Variants in PRMT8 observed in about 807,000 individuals in gnomAD.
PRMT8 encodes the protein protein arginine methyltransferase 8.
Under a neutral mutation model 47.1 loss-of-function variants are expected in PRMT8, and 7 were observed. The ratio of observed to expected loss-of-function variants is 0.15; its 90% CI spans 0.08 to 0.28. The LOEUF is 0.28. PRMT8 is among the 10% of genes least tolerant of loss of function. The probability of loss-of-function intolerance (pLI) is 1.00; values close to 1 mark genes in which losing one functional copy is unlikely to be tolerated. For synonymous variants in PRMT8, 188 were observed against 186.5 expected (o/e 1.01, Z -0.07); for missense variants, 237 against 505.4 (o/e 0.47, Z 5.09).
intron 1 of PRMT8, among the ~76,000 whole-genome samples, chr12:3,404,555 C>T (rs929599685): frequency 3.3e-5 from 5 of 152,236 alleles, no homozygotes; most frequent in Admixed American, 1.3e-4. Context: ...ATCCTTTTCC[C>T]GTACAAAAGT....
At chr12:3,512,017 G>A (rs1398575953) in intron 1 of PRMT8, among the ~76,000 whole-genome samples, 3 of 152,132 alleles carry the variant, frequency 2.0e-5, no homozygotes, top group Admixed American at 6.5e-5. Context: ...TTGGGAGTGT[G>A]GGGGGCAGTG....
chr12:3,540,771 G>A lies in PRMT8; in HGVS notation c.241G>A (p.Ala81Thr). 6.2e-7 allele frequency: 1 copy of A among 1,614,026 alleles called. No individual in the cohort carries two copies. The highest frequency in any genetic ancestry group is 8.5e-7 in the Non-Finnish European group (1 of 1,179,916). ...TSRDYYFDSY[A>T]HFGIHEEMLK... ...GAGAGATTATTACTTCGACTCCTAT[G>A]CCCACTTTGGGATCCACGAGGTAAA... Residue 81 changes from alanine (A) to threonine (T), a missense_variant, in exon 2 of 10, where the codon GCC (alanine) becomes ACC (threonine). By Grantham distance (58) the Ala-to-Thr change is moderately conservative. Transcript: ENST00000382622.
At chr12:3,452,918 G>C (rs1282282879) in intron 1 of PRMT8, among the ~76,000 whole-genome samples, 1 of 152,180 alleles carries the variant, frequency 6.6e-6, no homozygotes, top group Non-Finnish European at 1.5e-5. Context: ...GGACAATTCG[G>C]CAAGTCCCAT....
At chr12:3,472,188 G>A (rs867699236) in intron 1 of PRMT8, among the ~76,000 whole-genome samples, 1 of 152,226 alleles carries the variant, frequency 6.6e-6, no homozygotes, top group Non-Finnish European at 1.5e-5. Flanking sequence ...GGTGTGTGGT[G>A]TTCCTTCTGG....
chr12:3,491,063 C>T, upstream of PRMT8: 1 of 701,082 alleles, frequency 1.4e-6, no homozygotes, highest in Middle Eastern at 7.3e-4. Context: ...CCGAGACCCT[C>T]GGAGACTAGG....
At chr12:3,420,035 C>CAGAGAG (rs145716727) in intron 1 of PRMT8, among the ~76,000 whole-genome samples, 26 of 131,886 alleles carry the variant, frequency 2.0e-4, no homozygotes, top group Admixed American at 1.9e-3. Flanking sequence ...GAGAGACAGA[C>CAGAGAG]AGAGAGAGAG....
At chr12:3,459,716 G>A (rs1323127023) in intron 1 of PRMT8, among the ~76,000 whole-genome samples, 2 of 152,160 alleles carry the variant, frequency 1.3e-5, no homozygotes, top group Non-Finnish European at 2.9e-5. Flanking sequence ...GAAGGGCAGG[G>A]GGTTGGTTGG....
At chr12:3,469,970 C>T (rs1215639324) in intron 1 of PRMT8, among the ~76,000 whole-genome samples, 1 of 152,176 alleles carries the variant, frequency 6.6e-6, no homozygotes, top group African/African-American at 2.4e-5. Flanking sequence ...AGGACTGAGA[C>T]GTGGTCCCTG....
In PRMT8 at chr12:3,570,016, C is replaced by T. The variant is rs546978735; in HGVS notation, c.712+452C>T. ...AACTTATCAAAATAATATTGATTCT[C>T]TTATGCAAATACATATTATTTGAGG... On this transcript the variant is annotated intron_variant, in intron 6 of 9. Transcript: ENST00000382622. The surrounding 1 kb of genome is among the most constrained non-coding windows in gnomAD (Gnocchi z 5.5). Among the ~76,000 whole-genome samples the T allele has an allele frequency of 4.6e-5, 7 of 152,234 alleles. No individual in the cohort carries two copies. The highest frequency in any genetic ancestry group is 1.7e-4 in the African/African-American group (7 of 41,542).
chr12:3,511,160 C>G (rs1366353117), intron 1 of PRMT8, among the ~76,000 whole-genome samples: 1 of 152,194 alleles, frequency 6.6e-6, no homozygotes. Flanking sequence ...TAACCTTGCT[C>G]TCTCAGGGGC....
chr12:3,579,863 A>G (rs1404255193), intron 7 of PRMT8, among the ~76,000 whole-genome samples: 1 of 152,170 alleles, frequency 6.6e-6, no homozygotes, highest in East Asian at 1.9e-4. Flanking sequence ...TGAGTAATTT[A>G]TGCTGGTGAA....
At position 3,592,358 on chromosome 12, in the gene PRMT8, T is replaced by C. The variant is rs934827782; in HGVS notation, c.1101+6T>C. 2 of 1,602,464 alleles carry C rather than the reference T, an allele frequency of 1.2e-6. No individual in the cohort carries two copies. Among genetic ancestry groups the C allele is most frequent in the Non-Finnish European group, 1.7e-6 (2 of 1,175,126 alleles). On this transcript the variant is annotated splice_donor_region_variant and intron_variant, in intron 9 of 9. Coordinates refer to ENST00000382622, the MANE Select transcript of PRMT8 (RefSeq NM_019854.5). ...AGCCAAATGCCAAAAATGTGGTAAGTGCCGAGGGACATAAGGACATAAGGG... is the reference window on the plus strand; with the variant it reads ...AGCCAAATGCCAAAAATGTGGTAAGCGCCGAGGGACATAAGGACATAAGGG...
chr12:3,516,443 C>A (rs1004437688), intron 1 of PRMT8, among the ~76,000 whole-genome samples: 5 of 152,190 alleles, frequency 3.3e-5, no homozygotes, highest in African/African-American at 1.2e-4. Flanking sequence ...TACAGAGGAG[C>A]CTGATGCTGC....
intron 2 of PRMT8, among the ~76,000 whole-genome samples, chr12:3,544,727 T>C (rs1033859784): frequency 6.6e-6 from 1 of 152,208 alleles, no homozygotes; most frequent in Admixed American, 6.5e-5. Context: ...CCTTGGACTT[T>C]TGTCCCCAGC....
At chr12:3,458,714 A>G (rs959377270) in intron 1 of PRMT8, among the ~76,000 whole-genome samples, 2 of 152,194 alleles carry the variant, frequency 1.3e-5, no homozygotes, top group Non-Finnish European at 2.9e-5. Context: ...GGCAAATAAT[A>G]AACTCAATGT....
At chr12:3,461,398 G>T (rs1017384488) in intron 1 of PRMT8, among the ~76,000 whole-genome samples, 17 of 152,310 alleles carry the variant, frequency 1.1e-4, no homozygotes, top group African/African-American at 3.6e-4. Context: ...CTAACAAGAG[G>T]ATTTGGTGGT....
Position 3,472,378 on chromosome 12 carries a change from G to A in PRMT8, c.49-68228G>A, listed in dbSNP as rs547073875. On this transcript the variant is annotated intron_variant, in intron 1 of 9. Coordinates refer to the PRMT8 transcript ENST00000452611. ...TGTTTGATAAATGAATGAATGGATGGATGAATAAATGAAACATGAATTTGT... is the reference window on the plus strand; with the variant it reads ...TGTTTGATAAATGAATGAATGGATGAATGAATAAATGAAACATGAATTTGT... Among the ~76,000 whole-genome samples the A allele has an allele frequency of 1.5e-4, 23 of 152,328 alleles. 1 individual carries two copies. The East Asian group carries it at 4.0e-3, about 27-fold the overall frequency.
intron 1 of PRMT8, among the ~76,000 whole-genome samples, chr12:3,478,609 C>T (rs1865242092): frequency 6.6e-6 from 1 of 152,212 alleles, no homozygotes; most frequent in Admixed American, 6.5e-5. Flanking sequence ...TTTCTTCTTG[C>T]ACTGACAAAG....
intron 1 of PRMT8, among the ~76,000 whole-genome samples, chr12:3,444,255 C>T (rs1339544538): frequency 1.3e-5 from 2 of 152,196 alleles, no homozygotes; most frequent in Non-Finnish European, 2.9e-5. Context: ...AGTAAACACT[C>T]CTGACCTGCA....
Sources: gnomAD v4.1 joint callset for allele counts (sites outside exome capture counted in the v4.1 genomes callset) on GRCh38, gnomAD v4.1.1 for gene constraint, Gnocchi (gnomAD v3.1) non-coding constraint, MANE v1.5 for transcripts, NCBI Gene and HGNC (gene_info 2026-07-23, HGNC 2026-07-21) for gene names.